EVL: variants seen among roughly 807,000 people sequenced by gnomAD.
EVL encodes the protein ena/VASP-like protein.
Under a neutral mutation model 59.6 loss-of-function variants are expected in EVL, and 21 were observed. The ratio of observed to expected loss-of-function variants is 0.35; its 90% CI spans 0.25 to 0.51. EVL has a LOEUF of 0.51. Among genes scored for constraint, EVL ranks in the 20% least tolerant of loss-of-function variants. The pLI, the probability that EVL is intolerant of heterozygous loss-of-function variation, is 0.97. For missense variants in EVL, 462 were observed against 546.6 expected (o/e 0.85, Z 1.54); for synonymous variants, 198 against 203.5 (o/e 0.97, Z 0.23).
At chr14:100,118,232 G>T (rs1887474197) in intron 3 of EVL, among the ~76,000 whole-genome samples, 1 of 152,172 alleles carries the variant, frequency 6.6e-6, no homozygotes. Context: ...GGGAGGGGAG[G>T]AGTGTCACCT....
chr14:100,106,488 C>T (rs186066051), intron 3 of EVL: 20 of 169,958 alleles, frequency 1.2e-4, no homozygotes, highest in Admixed American at 3.8e-4. Context: ...TAGGTGCAAG[C>T]GTGGACCGCC....
At chr14:100,005,705 T>C (rs2060974536) in intron 1 of EVL, among the ~76,000 whole-genome samples, 1 of 151,888 alleles carries the variant, frequency 6.6e-6, no homozygotes, top group African/African-American at 2.4e-5. Flanking sequence ...AACTGACTTT[T>C]AACCATTGAG....
chr14:100,060,142 T>G (rs575349471), intron 1 of EVL, among the ~76,000 whole-genome samples: 2 of 152,292 alleles, frequency 1.3e-5, no homozygotes, highest in East Asian at 3.9e-4. Flanking sequence ...ATAAAAAACT[T>G]GCCCAGTGCC....
At chr14:100,083,300 A>G (rs1026987936) in intron 1 of EVL, among the ~76,000 whole-genome samples, 2 of 152,242 alleles carry the variant, frequency 1.3e-5, no homozygotes, top group Middle Eastern at 3.4e-3. Flanking sequence ...CACTTGATTT[A>G]TGGTTCATTT....
At chr14:100,142,989 G>GC (rs1028520200) in intron 13 of EVL, among the ~76,000 whole-genome samples, 1 of 152,196 alleles carries the variant, frequency 6.6e-6, no homozygotes, top group African/African-American at 2.4e-5. Context: ...CCATCCCCCA[G>GC]CCCCCACAAC....
chr14:100,010,695 G>A (rs1419253436), intron 1 of EVL, among the ~76,000 whole-genome samples: 1 of 152,198 alleles, frequency 6.6e-6, no homozygotes, highest in Non-Finnish European at 1.5e-5. Flanking sequence ...ACTGTGCCCA[G>A]CAGGTTTTTT....
chr14:100,113,605 G>A (rs981237157), intron 3 of EVL, among the ~76,000 whole-genome samples: 2 of 152,148 alleles, frequency 1.3e-5, no homozygotes, highest in Admixed American at 1.3e-4. Context: ...GAAGGAATGA[G>A]GTGCCAAGCT....
intron 1 of EVL, among the ~76,000 whole-genome samples, chr14:100,015,869 G>A (rs1375550616): frequency 6.6e-6 from 1 of 151,396 alleles, no homozygotes; most frequent in Non-Finnish European, 1.5e-5. Flanking sequence ...CCAGGAGTTC[G>A]AGACCAGCCT....
intron 1 of EVL, among the ~76,000 whole-genome samples, chr14:99,980,727 G>A (rs1312545289): frequency 6.6e-6 from 1 of 152,226 alleles, no homozygotes; most frequent in Non-Finnish European, 1.5e-5. Flanking sequence ...GATTCCGTGT[G>A]TATCTTTCCA....
intron 1 of EVL, among the ~76,000 whole-genome samples, chr14:100,010,499 A>G (rs538703235): frequency 6.6e-6 from 1 of 152,204 alleles, no homozygotes; most frequent in South Asian, 2.1e-4. Flanking sequence ...CAGCCTCCAC[A>G]ATTCTCCTAC....
intron 1 of EVL, among the ~76,000 whole-genome samples, chr14:100,046,775 A>ACAC (rs1555416255): frequency 7.3e-6 from 1 of 137,304 alleles, no homozygotes. Context: ...TTTTTTGAGG[A>ACAC]AGAGTCTTGC....
At chr14:100,073,997 A>AC (rs1387027936) in intron 1 of EVL, among the ~76,000 whole-genome samples, 1 of 67,236 alleles carries the variant, frequency 1.5e-5, no homozygotes, top group Admixed American at 1.6e-4. Context: ...TCAGGGAGTC[A>AC]CCCCCGGGGG....
intron 1 of EVL, among the ~76,000 whole-genome samples, chr14:100,047,391 G>T (rs1413822402): frequency 6.6e-6 from 1 of 152,034 alleles, no homozygotes; most frequent in Admixed American, 6.6e-5. Flanking sequence ...CAAGCACAGA[G>T]CCTGGTTCTA....
Position 100,144,167 on chromosome 14 carries a change from G to A in EVL, c.*429G>A, listed in dbSNP as rs1383037717. 1 of 200,008 alleles carries A rather than the reference G, an allele frequency of 5.0e-6. No homozygotes were observed. The highest frequency in any genetic ancestry group is 2.3e-5 in the African/African-American group (1 of 42,622). The allele number at this position is 200,008 out of a possible 1,614,324, so 12.4% of individuals were successfully genotyped here. ...GCACAGCTCCGTCCCCAGCGCTCAT[G>A]GTGTTGAAACTGTCTGTCATGCACC... On this transcript the variant is annotated 3_prime_UTR_variant, in exon 14 of 14. Coordinates refer to ENST00000392920, the MANE Select transcript of EVL (RefSeq NM_016337.3).
intron 1 of EVL, among the ~76,000 whole-genome samples, chr14:99,979,352 C>G (rs1407931963): frequency 2.0e-5 from 3 of 152,016 alleles, no homozygotes; most frequent in Non-Finnish European, 4.4e-5. Context: ...TTTTCCCTAT[C>G]TGCTTTTTTT....
At chr14:100,085,027 C>T (rs2062407954) in intron 2 of EVL, 172 bp downstream of exon 2, 4 of 607,980 alleles carry the variant, frequency 6.6e-6, no homozygotes, top group Non-Finnish European at 1.1e-5. Context: ...AGTATGACAC[C>T]TTAAGCACAC....
chr14:100,125,961 C>T (rs947169208), intron 4 of EVL, among the ~76,000 whole-genome samples: 1 of 152,200 alleles, frequency 6.6e-6, no homozygotes, highest in African/African-American at 2.4e-5. Flanking sequence ...ATCCTTAGCC[C>T]TGTGTTTCCA....
intron 13 of EVL, among the ~76,000 whole-genome samples, chr14:100,142,600 A>G (rs1425290689): frequency 1.3e-5 from 2 of 152,238 alleles, no homozygotes; most frequent in Non-Finnish European, 2.9e-5. Context: ...ACAAGCGCAC[A>G]GGGGTGGAGG....
At chr14:99,991,649 G>A (rs1171945616) in intron 1 of EVL, among the ~76,000 whole-genome samples, 5 of 152,028 alleles carry the variant, frequency 3.3e-5, no homozygotes, top group Non-Finnish European at 5.9e-5. Flanking sequence ...AGAGCAATGC[G>A]AAAATAATAA....
Sources: allele counts gnomAD v4.1 joint callset (sites outside exome capture counted in the v4.1 genomes callset), GRCh38; gene constraint gnomAD v4.1.1; transcripts MANE v1.5; gene names NCBI Gene and HGNC (gene_info 2026-07-23, HGNC 2026-07-21).